Variants in KCTD13 observed in about 807,000 individuals in gnomAD.
The protein encoded by KCTD13 is BTB/POZ domain-containing adapter for CUL3-mediated RhoA degradation protein 1.
A neutral mutation model predicts 32.3 loss-of-function variants in KCTD13; 15 were observed. That is an observed-to-expected ratio of 0.46 (90% confidence interval 0.31 to 0.71). The LOEUF (loss-of-function observed/expected upper bound fraction) is 0.71, where lower values mean the gene tolerates loss of function less well. KCTD13 is among the 30% of genes least tolerant of loss of function. The pLI, the probability that KCTD13 is intolerant of heterozygous loss-of-function variation, is 0.05. For missense variants in KCTD13, 337 were observed against 452.6 expected (o/e 0.74, Z 2.32); for synonymous variants, 189 against 200.1 (o/e 0.94, Z 0.47).
Position 29,925,995 on chromosome 16 carries a change from G to T in KCTD13, c.39C>A (p.Ala13=). The T allele has an allele frequency of 1.3e-6, 2 of 1,590,018 alleles. No homozygotes were observed. The highest frequency in any genetic ancestry group is 1.7e-6 in the Non-Finnish European group (2 of 1,169,670). ...AGGGCTTGGGGGCTTCCAGGGACGG[G>T]GCCGCGGCGGCAGCCGGGCCCGAGG... ...AEASGPAAAA[A]PSLEAPKPSG... Residue 13 remains alanine (A), a synonymous_variant, in exon 1 of 6, where the codon GCC becomes GCA. Coordinates refer to ENST00000568000, the MANE Select transcript of KCTD13 (RefSeq NM_178863.5).
At chr16:29,913,835 CTT>C (rs1026529711) in intron 2 of KCTD13, 1 of 152,106 alleles carries the variant, frequency 6.6e-6, no homozygotes, top group Non-Finnish European at 1.5e-5. Flanking sequence ...GCCTCATTGT[CTT>C]TTTTATTTTT....
intron 2 of KCTD13, 110 bp downstream of exon 2, chr16:29,923,080 G>C: frequency 7.9e-7 from 1 of 1,258,760 alleles, no homozygotes; most frequent in African/African-American, 1.5e-5. Flanking sequence ...GTTATGGCCA[G>C]CCAAAGCCAG....
intron 5 of KCTD13, among the ~76,000 whole-genome samples, chr16:29,910,589 G>A (rs2068690452): frequency 6.6e-6 from 1 of 151,996 alleles, no homozygotes; most frequent in Non-Finnish European, 1.5e-5. Context: ...GAACTCCTGG[G>A]CTCAAGTGAT....
rs1388737814 is a variant in KCTD13, at chr16:29,923,255, G to C, written c.349C>G (p.Leu117Val). 6.2e-7 allele frequency: 1 copy of C among 1,614,166 alleles called. No homozygotes were observed. The highest frequency in any genetic ancestry group is 8.5e-7 in the Non-Finnish European group (1 of 1,180,032). ...AGGTAGTAGCGTGCTTCGCCCAGCA[G>C]CTCCCCCAGTTCTCTCGTACTCTCC... ...LPESTRELGE[L>V]LGEARYYLVQ... The change falls in exon 2 of 6, where the codon CTG becomes GTG. Residue 117 changes from leucine (L) to valine (V), a missense_variant. Leu to Val is a conservative substitution (Grantham distance 32). This residue lies in a region of KCTD13 where 252 missense variants were observed against 340.2 expected (regional missense o/e 0.74). Transcript: ENST00000568000.
intron 5 of KCTD13, among the ~76,000 whole-genome samples, chr16:29,908,513 G>A (rs1401122534): frequency 1.3e-5 from 2 of 152,036 alleles, no homozygotes; most frequent in Non-Finnish European, 2.9e-5. Context: ...ACCTCCCGGA[G>A]TAGCTGGGAT....
Position 29,907,114 on chromosome 16 carries a change from A to G in KCTD13, c.754-6T>C, listed in dbSNP as rs747340195. On this transcript the variant is annotated splice_polypyrimidine_tract_variant and splice_region_variant and intron_variant, in intron 5 of 5. Transcript: ENST00000568000. ...CGGGCCTCTGGAAATTCCACCTGCA[A>G]AAGGCCAGCCGGCCCCAGCTCCTTC... is the stretch of plus-strand genomic sequence containing the variant. The G allele has an allele frequency of 9.4e-6, 15 of 1,595,454 alleles. No individual in the cohort carries two copies. In the South Asian group the frequency reaches 1.3e-4, roughly 14 times the overall value.
chr16:29,907,854 T>C (rs1371380737), intron 5 of KCTD13, among the ~76,000 whole-genome samples: 2 of 151,526 alleles, frequency 1.3e-5, no homozygotes, highest in Non-Finnish European at 2.9e-5. Flanking sequence ...GGAAACGATA[T>C]AAGCTGGGTG....
At chr16:29,911,790 C>T (rs745915874) in intron 4 of KCTD13, 25 bp downstream of exon 4, 3 of 1,611,644 alleles carry the variant, frequency 1.9e-6, no homozygotes, top group East Asian at 4.5e-5. Context: ...GGGTCCCGCC[C>T]AGTGCCCCGC....
chr16:29,910,111 A>T (rs2068679824), intron 5 of KCTD13, among the ~76,000 whole-genome samples: 1 of 151,008 alleles, frequency 6.6e-6, no homozygotes, highest in Non-Finnish European at 1.5e-5. Flanking sequence ...AAAAAAAAAA[A>T]AAAATAGGCT....
chr16:29,910,558 G>A lies in KCTD13; in HGVS notation c.753+420C>T, dbSNP rs556719099. ...ACTTCTTACAGAGATCAGGTCCCAC[G>A]ATGTTGCCCAGGCTGGTCTCGAACT... On this transcript the variant is annotated intron_variant, in intron 5 of 5. Transcript: ENST00000568000. Among the ~76,000 whole-genome samples the A allele has an allele frequency of 9.9e-5, 15 of 152,116 alleles. No individual in the cohort carries two copies. The East Asian group carries it at 1.7e-3, about 18-fold the overall frequency.
At chr16:29,922,642 A>G (rs1407056670) in intron 2 of KCTD13, 1 of 172,986 alleles carries the variant, frequency 5.8e-6, no homozygotes, top group Non-Finnish European at 1.2e-5. Context: ...TGGGGTCTCT[A>G]GAATCCCCAA....
chr16:29,922,887 G>C (rs537229031), intron 2 of KCTD13: 1 of 444,780 alleles, frequency 2.2e-6, no homozygotes, highest in Non-Finnish European at 3.9e-6. Flanking sequence ...AGAGAGAATA[G>C]ATCGGGGTTG....
At chr16:29,911,909 G>A in intron 3 of KCTD13, 42 bp from the exon 4 acceptor site, 1 of 1,609,848 alleles carries the variant, frequency 6.2e-7, no homozygotes, top group Admixed American at 1.7e-5. Flanking sequence ...TGAGGCTGCA[G>A]GGAGAGGCCC....
chr16:29,925,715 C>T, intron 1 of KCTD13, 75 bp downstream of exon 1: 2 of 1,481,942 alleles, frequency 1.3e-6, no homozygotes, highest in Admixed American at 1.9e-5. Context: ...GCATGAGGAG[C>T]CCCGGTGGTG....
intron 1 of KCTD13, 123 bp downstream of exon 1, chr16:29,925,667 G>T: frequency 2.1e-6 from 2 of 939,008 alleles, no homozygotes; most frequent in Non-Finnish European, 3.3e-6. Flanking sequence ...AGGGAGCTGA[G>T]AATGAGTTGA....
intron 2 of KCTD13, chr16:29,919,391 G>A (rs2068868255): frequency 6.6e-6 from 1 of 152,122 alleles, no homozygotes; most frequent in Admixed American, 6.6e-5. Flanking sequence ...ACTGTATTAA[G>A]GCAGTTACCT....
chr16:29,912,175 TC>T, intron 2 of KCTD13, 126 bp from the exon 3 acceptor site: 1 of 692,862 alleles, frequency 1.4e-6, no homozygotes. Context: ...CTCTGCAGGC[TC>T]CAAGCTCCGC....
At chr16:29,921,152 A>C (rs2068904108) in intron 2 of KCTD13, 1 of 152,242 alleles carries the variant, frequency 6.6e-6, no homozygotes, top group South Asian at 2.1e-4. Context: ...ACTGATTCAC[A>C]GCTTCAATGC....
intron 3 of KCTD13, 26 bp from the exon 4 acceptor site, chr16:29,911,893 G>A (rs367845684): frequency 6.2e-7 from 1 of 1,611,706 alleles, no homozygotes; most frequent in East Asian, 2.2e-5. Flanking sequence ...GGATGGACGA[G>A]AGGGGTGAGG....
Sources: gnomAD v4.1 joint callset for allele counts (sites outside exome capture counted in the v4.1 genomes callset) on GRCh38, gnomAD v4.1.1 for gene constraint, gnomAD v4.1.1 regional missense constraint, MANE v1.5 for transcripts, NCBI Gene and HGNC (gene_info 2026-07-23, HGNC 2026-07-21) for gene names.